NECAB1: variants seen among roughly 807,000 people sequenced by gnomAD.
NECAB1 encodes N-terminal EF-hand calcium-binding protein 1.
In NECAB1, 29 loss-of-function variants were observed where a neutral mutation model predicts 57.5. The ratio of observed to expected loss-of-function variants is 0.50; its 90% CI spans 0.38 to 0.69. NECAB1 has a LOEUF of 0.69. Among genes scored for constraint, NECAB1 ranks in the 30% least tolerant of loss-of-function variants. The probability of loss-of-function intolerance (pLI) is 0.00; values close to 1 mark genes in which losing one functional copy is unlikely to be tolerated. For missense variants in NECAB1, 372 were observed against 413.8 expected (o/e 0.90, Z 0.88); for synonymous variants, 142 against 147.7 (o/e 0.96, Z 0.28).
At chr8:90,867,074 C>T (rs1808530373) in intron 3 of NECAB1, among the ~76,000 whole-genome samples, 1 of 152,186 alleles carries the variant, frequency 6.6e-6, no homozygotes, top group South Asian at 2.1e-4. Context: ...TGTAAGCCTT[C>T]TGCAACAGTG....
chr8:90,857,888 A>G (rs1025906438), intron 3 of NECAB1, among the ~76,000 whole-genome samples: 1 of 152,162 alleles, frequency 6.6e-6, no homozygotes, highest in Non-Finnish European at 1.5e-5. Context: ...TTATCAAAAT[A>G]TAGGTTTATG....
At chr8:90,837,411 A>T (rs1812386001) in intron 3 of NECAB1, among the ~76,000 whole-genome samples, 1 of 152,230 alleles carries the variant, frequency 6.6e-6, no homozygotes, top group African/African-American at 2.4e-5. Context: ...CCTTGGACAA[A>T]GGGATGGTTT....
intron 3 of NECAB1, among the ~76,000 whole-genome samples, chr8:90,832,656 C>T (rs1812313209): frequency 6.6e-6 from 1 of 152,164 alleles, no homozygotes; most frequent in East Asian, 1.9e-4. Context: ...AGGCAATTAA[C>T]TTGTATCATC....
intron 1 of NECAB1, among the ~76,000 whole-genome samples, chr8:90,794,766 GTAT>G (rs1811633434): frequency 6.6e-6 from 1 of 152,228 alleles, no homozygotes; most frequent in Non-Finnish European, 1.5e-5. Flanking sequence ...TAAATTTGAA[GTAT>G]TATGGTTATT....
chr8:90,912,739 A>C (rs572035081), intron 5 of NECAB1, among the ~76,000 whole-genome samples: 2 of 152,168 alleles, frequency 1.3e-5, no homozygotes, highest in Non-Finnish European at 2.9e-5. Flanking sequence ...GGAAAAAAAA[A>C]ATGTGCCATT....
intron 10 of NECAB1, among the ~76,000 whole-genome samples, chr8:90,947,103 T>C (rs773407259): frequency 1.1e-4 from 16 of 152,166 alleles, no homozygotes; most frequent in Non-Finnish European, 2.2e-4. Context: ...TTAATACTTA[T>C]ATTATTAGCT....
chr8:90,846,962 G>A (rs189550040), intron 3 of NECAB1, among the ~76,000 whole-genome samples: 151 of 152,192 alleles, frequency 9.9e-4, no homozygotes, highest in Non-Finnish European at 3.8e-4. Context: ...ATTGTGCCCT[G>A]GCCCCTCTCA....
intron 2 of NECAB1, among the ~76,000 whole-genome samples, chr8:90,804,952 A>G (rs1811823867): frequency 6.6e-6 from 1 of 152,206 alleles, no homozygotes; most frequent in African/African-American, 2.4e-5. Context: ...ACAACTAAAC[A>G]CTTGCTCATT....
rs530883278 is a variant in NECAB1, at chr8:90,837,579, A to C, written c.233+12754A>C. On this transcript the variant is annotated intron_variant, in intron 3 of 12. Coordinates refer to ENST00000417640, the MANE Select transcript of NECAB1 (RefSeq NM_022351.5). ...AACTACGAAAAGTGAAACATTGGAG[A>C]AGGGAAAATTACTGTAATTGAAAAA... Among the ~76,000 whole-genome samples, 10 of 152,368 alleles carry C rather than the reference A, an allele frequency of 6.6e-5. No individual in the cohort carries two copies. The South Asian group carries it at 8.3e-4, about 13-fold the overall frequency.
At chr8:90,853,096 C>A (rs1812716853) in intron 3 of NECAB1, among the ~76,000 whole-genome samples, 1 of 152,350 alleles carries the variant, frequency 6.6e-6, no homozygotes, top group African/African-American at 2.4e-5. Flanking sequence ...TGCCATGGGG[C>A]CTGCATGGAG....
At chr8:90,904,370 G>C (rs55679419) in intron 5 of NECAB1, among the ~76,000 whole-genome samples, 2,757 of 151,808 alleles carry the variant, frequency 0.018, 44 homozygotes, top group Middle Eastern at 0.055. Context: ...ATAAATATAT[G>C]TGGGATTAAA....
chr8:90,866,830 T>A (rs1255518422), intron 3 of NECAB1, among the ~76,000 whole-genome samples: 2 of 152,206 alleles, frequency 1.3e-5, no homozygotes, highest in Non-Finnish European at 2.9e-5. Context: ...TCAACCATTG[T>A]GGAAGACAGT....
intron 3 of NECAB1, among the ~76,000 whole-genome samples, chr8:90,838,047 G>C (rs956785077): frequency 6.6e-6 from 1 of 152,120 alleles, no homozygotes; most frequent in Admixed American, 6.5e-5. Flanking sequence ...CTTTAAAATA[G>C]AGCATAGTCA....
At chr8:90,868,421 G>T (rs1400849617) in intron 3 of NECAB1, among the ~76,000 whole-genome samples, 2 of 152,128 alleles carry the variant, frequency 1.3e-5, no homozygotes, top group African/African-American at 2.4e-5. Context: ...AGTGGGACTT[G>T]TTAAATGGTT....
intron 10 of NECAB1, among the ~76,000 whole-genome samples, chr8:90,946,235 T>C (rs1402274641): frequency 6.6e-6 from 1 of 152,212 alleles, no homozygotes; most frequent in Non-Finnish European, 1.5e-5. Context: ...CCCATGTGCC[T>C]TTGAGACAGA....
intron 5 of NECAB1, among the ~76,000 whole-genome samples, chr8:90,895,846 G>A (rs1478924395): frequency 6.6e-6 from 1 of 152,198 alleles, no homozygotes; most frequent in Non-Finnish European, 1.5e-5. Flanking sequence ...GTAGCTGAAA[G>A]GGACTGTTTT....
At chr8:90,895,914 C>T (rs1184736385) in intron 5 of NECAB1, among the ~76,000 whole-genome samples, 2 of 152,180 alleles carry the variant, frequency 1.3e-5, no homozygotes, top group East Asian at 3.8e-4. Context: ...AAATCAGAGG[C>T]ACAATTAAAG....
At chr8:90,863,554 T>G (rs1419387975) in intron 3 of NECAB1, among the ~76,000 whole-genome samples, 1 of 152,102 alleles carries the variant, frequency 6.6e-6, no homozygotes, top group Admixed American at 6.6e-5. Flanking sequence ...TTTCTGAAAT[T>G]TAAACCCACT....
intron 11 of NECAB1, 69 bp downstream of exon 11, chr8:90,949,953 G>A: frequency 1.0e-6 from 1 of 955,716 alleles, no homozygotes; most frequent in Non-Finnish European, 1.6e-6. Flanking sequence ...GTAATTTTAG[G>A]ATTTGTAGGA....
Sources: allele counts gnomAD v4.1 joint callset (sites outside exome capture counted in the v4.1 genomes callset), GRCh38; gene constraint gnomAD v4.1.1; transcripts MANE v1.5; gene names NCBI Gene and HGNC (gene_info 2026-07-23, HGNC 2026-07-21).